SPAG16: variants seen among roughly 807,000 people sequenced by gnomAD.
SPAG16 encodes the protein sperm-associated antigen 16 protein.
SPAG16 carries 86 observed loss-of-function variants against 80.4 expected under a neutral mutation model. That is an observed-to-expected ratio of 1.07 (90% CI 0.90 to 1.28). The LOEUF (loss-of-function observed/expected upper bound fraction) is 1.28. SPAG16 is among the 50% of genes most tolerant of loss of function. The probability of loss-of-function intolerance (pLI) is 0.00; values close to 1 mark genes in which losing one functional copy is unlikely to be tolerated. For missense variants in SPAG16, 870 were observed against 765.3 expected (o/e 1.14, Z -1.61); for synonymous variants, 294 against 265.9 (o/e 1.11, Z -1.03).
At chr2:214,184,339 T>C (rs1355242559) in intron 15 of SPAG16, among the ~76,000 whole-genome samples, 2 of 152,080 alleles carry the variant, frequency 1.3e-5, no homozygotes, top group Non-Finnish European at 2.9e-5. Flanking sequence ...CTTTTCAAGC[T>C]TTATTAGTAA....
intron 10 of SPAG16, among the ~76,000 whole-genome samples, chr2:213,815,560 G>A (rs1025197180): frequency 2.6e-5 from 4 of 152,158 alleles, no homozygotes; most frequent in African/African-American, 9.6e-5. Context: ...AGACTCCCAT[G>A]AGATTTTTTA....
At position 214,279,593 on chromosome 2, in the gene SPAG16, A is replaced by G. The variant is rs544635105; in HGVS notation, c.1720+130327A>G. On this transcript the variant is annotated intron_variant, in intron 15 of 15. Coordinates refer to ENST00000331683, the MANE Select transcript of SPAG16 (RefSeq NM_024532.5). ...GAATTCACAGAATAGAGCTCTGGAG[A>G]GGAGAAAGATACAGAAGGAACCCCA... Among the ~76,000 whole-genome samples the G allele has an allele frequency of 2.0e-4, 31 of 152,284 alleles. No individual in the cohort carries two copies. The East Asian group carries it at 5.6e-3, about 28-fold the overall frequency.
At chr2:214,250,272 T>C (rs1262390746) in intron 15 of SPAG16, 1 of 152,168 alleles carries the variant, frequency 6.6e-6, no homozygotes, top group Non-Finnish European at 1.5e-5. Flanking sequence ...AAAAGTTACA[T>C]ATGTTTCTGA....
chr2:214,079,708 C>G (rs1187254886), intron 13 of SPAG16, among the ~76,000 whole-genome samples: 1 of 152,074 alleles, frequency 6.6e-6, no homozygotes, highest in Non-Finnish European at 1.5e-5. Context: ...TTGGCTTGGA[C>G]CACCTATTTT....
At chr2:213,412,215 A>C (rs1369629994) in intron 9 of SPAG16, among the ~76,000 whole-genome samples, 1 of 152,078 alleles carries the variant, frequency 6.6e-6, no homozygotes, top group African/African-American at 2.4e-5. Flanking sequence ...CTGACTCCCA[A>C]CAAAGCACTC....
intron 15 of SPAG16, among the ~76,000 whole-genome samples, chr2:214,279,480 A>G (rs1038962163): frequency 6.6e-5 from 10 of 152,274 alleles, no homozygotes; most frequent in Non-Finnish European, 1.3e-4. Flanking sequence ...CTGAGCCACA[A>G]CTCGAGAAAG....
intron 1 of SPAG16, among the ~76,000 whole-genome samples, chr2:213,292,480 C>G (rs553134736): frequency 6.6e-6 from 1 of 151,112 alleles, no homozygotes; most frequent in Non-Finnish European, 1.5e-5. Context: ...CCGGCTAAAA[C>G]GGTGAAACCC....
At chr2:213,738,014 T>C (rs991322068) in intron 10 of SPAG16, among the ~76,000 whole-genome samples, 1 of 152,182 alleles carries the variant, frequency 6.6e-6, no homozygotes, top group Non-Finnish European at 1.5e-5. Context: ...TTCATTGTAG[T>C]TTTAAATTTT....
At chr2:214,315,932 A>G (rs904238778) in intron 15 of SPAG16, among the ~76,000 whole-genome samples, 3 of 152,240 alleles carry the variant, frequency 2.0e-5, no homozygotes, top group African/African-American at 7.2e-5. Flanking sequence ...AAAGTAGTGC[A>G]GACCTCTAGC....
At chr2:214,113,407 A>G (rs2053775927) in intron 14 of SPAG16, among the ~76,000 whole-genome samples, 1 of 152,190 alleles carries the variant, frequency 6.6e-6, no homozygotes, top group African/African-American at 2.4e-5. Flanking sequence ...TAATGTCCTG[A>G]AGAAAGTTTT....
chr2:213,537,237 C>T (rs980990998), intron 10 of SPAG16, among the ~76,000 whole-genome samples: 1 of 151,416 alleles, frequency 6.6e-6, no homozygotes, highest in Non-Finnish European at 1.5e-5. Context: ...GGGTGCAGCA[C>T]ACCAACATGG....
intron 9 of SPAG16, among the ~76,000 whole-genome samples, chr2:213,404,043 C>G (rs1390045090): frequency 2.0e-5 from 3 of 151,918 alleles, no homozygotes; most frequent in African/African-American, 7.3e-5. Context: ...AACCACTGCT[C>G]AAGGAAATAA....
intron 10 of SPAG16, among the ~76,000 whole-genome samples, chr2:213,523,154 G>T (rs977873616): frequency 1.3e-5 from 2 of 152,116 alleles, no homozygotes; most frequent in Non-Finnish European, 2.9e-5. Context: ...AATCATGGAG[G>T]CAGTAACCCT....
At chr2:213,522,798 A>AATATATAT (rs34910737) in intron 10 of SPAG16, among the ~76,000 whole-genome samples, 56 of 146,768 alleles carry the variant, frequency 3.8e-4, no homozygotes, top group Non-Finnish European at 6.6e-4. Context: ...TTACATGCCA[A>AATATATAT]ATATATATAT....
At chr2:214,322,597 G>A (rs548077808) in intron 15 of SPAG16, among the ~76,000 whole-genome samples, 2 of 151,640 alleles carry the variant, frequency 1.3e-5, no homozygotes, top group East Asian at 3.9e-4. Context: ...ATATAAAGTT[G>A]GGGTATATTT....
intron 12 of SPAG16, among the ~76,000 whole-genome samples, chr2:213,974,159 G>T (rs1463611014): frequency 1.3e-5 from 2 of 152,098 alleles, no homozygotes; most frequent in East Asian, 3.9e-4. Flanking sequence ...TTTGGTGGAA[G>T]ATAGAGCCAG....
intron 3 of SPAG16, among the ~76,000 whole-genome samples, chr2:213,303,705 G>A (rs547634182): frequency 6.6e-6 from 1 of 152,204 alleles, no homozygotes; most frequent in Non-Finnish European, 1.5e-5. Context: ...GGAAATGACA[G>A]GATCTCATTC....
At chr2:214,091,852 ATG>A (rs972898252) in intron 13 of SPAG16, among the ~76,000 whole-genome samples, 2 of 152,028 alleles carry the variant, frequency 1.3e-5, no homozygotes, top group African/African-American at 2.4e-5. Flanking sequence ...CCTGATCATA[ATG>A]TGTTTTATGA....
intron 15 of SPAG16, among the ~76,000 whole-genome samples, chr2:214,318,596 G>A (rs755040616): frequency 4.6e-5 from 7 of 151,774 alleles, no homozygotes; most frequent in East Asian, 1.9e-4. Flanking sequence ...GGCTGGTCTC[G>A]AACTCCTGGC....
Sources: allele counts gnomAD v4.1 joint callset (sites outside exome capture counted in the v4.1 genomes callset), GRCh38; gene constraint gnomAD v4.1.1; transcripts MANE v1.5; gene names NCBI Gene and HGNC (gene_info 2026-07-23, HGNC 2026-07-21).